Variants in SDC2 observed in about 807,000 individuals in gnomAD.
SDC2 encodes the protein syndecan-2.
Under a neutral mutation model 22.2 loss-of-function variants are expected in SDC2, and 13 were observed. The observed-to-expected ratio is 0.59, with a 90% CI of 0.38 to 0.93. The LOEUF (loss-of-function observed/expected upper bound fraction) is 0.93, where lower values mean the gene tolerates loss of function less well. SDC2 is among the 40% of genes least tolerant of loss of function. SDC2 has a pLI of 0.00. For missense variants in SDC2, 235 were observed against 246.8 expected, an observed-to-expected ratio of 0.95 and a Z score of 0.32; for synonymous variants, 94 against 92.8, an observed-to-expected ratio of 1.01 and a Z score of -0.07.
At chr8:96,557,854 C>T (rs1814144895) in intron 1 of SDC2, among the ~76,000 whole-genome samples, 1 of 152,052 alleles carries the variant, frequency 6.6e-6, no homozygotes, top group South Asian at 2.1e-4. Context: ...GAACCAAGAA[C>T]ACACTGTTTT....
At chr8:96,576,384 G>GTTTTTTTTT (rs1236267155) in intron 1 of SDC2, among the ~76,000 whole-genome samples, 2,293 of 50,856 alleles carry the variant, frequency 0.045, 119 homozygotes, top group Non-Finnish European at 0.071. Context: ...GTTTTGTTTT[G>GTTTTTTTTT]TTTTTTTTTA....
intron 1 of SDC2, among the ~76,000 whole-genome samples, chr8:96,528,677 C>G (rs1813615933): frequency 6.6e-6 from 1 of 151,972 alleles, no homozygotes; most frequent in African/African-American, 2.4e-5. Context: ...TTTAAACAAC[C>G]TTTTAGTCTT....
At chr8:96,494,910 G>T (rs1419541873) in intron 1 of SDC2, among the ~76,000 whole-genome samples, 3 of 152,192 alleles carry the variant, frequency 2.0e-5, no homozygotes, top group African/African-American at 7.2e-5. Flanking sequence ...CTGCGGCTAG[G>T]GCGAGGTAAC....
chr8:96,565,941 G>A lies in SDC2; in HGVS notation c.61-27539G>A, dbSNP rs192061579. Among the ~76,000 whole-genome samples, 331 of 152,194 alleles carry A rather than the reference G, an allele frequency of 2.2e-3. 2 individuals are homozygous for A. The highest frequency in any genetic ancestry group is 7.4e-3 in the African/African-American group (308 of 41,536). On this transcript the variant is annotated intron_variant, in intron 1 of 4. Coordinates refer to ENST00000302190, the MANE Select transcript of SDC2 (RefSeq NM_002998.4). ...TATTGTTAGTGAAAAATATGCCACC[G>A]AGAAGACCTGGGCTTGAGTCTTGCT...
intron 1 of SDC2, among the ~76,000 whole-genome samples, chr8:96,503,248 T>G (rs943156584): frequency 6.6e-6 from 1 of 152,224 alleles, no homozygotes; most frequent in African/African-American, 2.4e-5. Context: ...ATTTAATGTC[T>G]TTGTTGAAGT....
At chr8:96,507,898 T>C (rs1401335451) in intron 1 of SDC2, among the ~76,000 whole-genome samples, 3 of 152,204 alleles carry the variant, frequency 2.0e-5, no homozygotes, top group Non-Finnish European at 4.4e-5. Context: ...CTGTGGTGGC[T>C]CACGCCTGTA....
chr8:96,609,144 T>C, intron 4 of SDC2, among the ~76,000 whole-genome samples: 1 of 152,190 alleles, frequency 6.6e-6, no homozygotes. Context: ...CAAGGCCAGA[T>C]TTTTCTTATC....
Position 96,495,457 on chromosome 8 carries a change from C to T in SDC2, c.60+1126C>T, listed in dbSNP as rs961526261. Among the ~76,000 whole-genome samples, 30 of 152,198 alleles carry T rather than the reference C, an allele frequency of 2.0e-4. 1 individual carries two copies. Among genetic ancestry groups the T allele is most frequent in the Non-Finnish European group, 2.2e-4 (15 of 68,044 alleles). On this transcript the variant is annotated intron_variant, in intron 1 of 4. Coordinates refer to ENST00000302190, the MANE Select transcript of SDC2 (RefSeq NM_002998.4). ...CCTGGGCGCCAGGAGCTCTGTCGGG[C>T]CAGGTGGAAGCTTGAGCACCCCAGA...
In SDC2 at chr8:96,493,985, C is replaced by T. The variant is rs1360401957; in HGVS notation, c.-287C>T. On this transcript the variant is annotated 5_prime_UTR_variant, in exon 1 of 5. Transcript: ENST00000302190. ...CAAAACCACAGCAGAGCAAGAAGAG[C>T]TTCAGAGAGCAGCCTTCCCGGAGCA... The T allele has an allele frequency of 4.0e-6, 2 of 504,282 alleles. No homozygotes were observed. The highest frequency in any genetic ancestry group is 6.9e-6 in the Non-Finnish European group (2 of 289,414). 31.2% of individuals were successfully genotyped at this position (504,282 alleles called of 1,614,324 possible).
At chr8:96,546,641 C>T (rs8180894) in intron 1 of SDC2, among the ~76,000 whole-genome samples, 2 of 152,156 alleles carry the variant, frequency 1.3e-5, no homozygotes, top group East Asian at 3.9e-4. Flanking sequence ...TTTTCTGTTC[C>T]TTGTGGAGCA....
chr8:96,534,594 C>T (rs2130494868), intron 1 of SDC2, among the ~76,000 whole-genome samples: 1 of 152,188 alleles, frequency 6.6e-6, no homozygotes, highest in African/African-American at 2.4e-5. Flanking sequence ...ACCACCATAC[C>T]TGGCTATTTT....
chr8:96,576,379 G>GTTTTTTTTTTTTTTT (rs1365620450), intron 1 of SDC2, among the ~76,000 whole-genome samples: 8 of 47,562 alleles, frequency 1.7e-4, no homozygotes, highest in East Asian at 9.0e-4. Flanking sequence ...TTTTTGTTTT[G>GTTTTTTTTTTTTTTT]TTTTGTTTTT....
chr8:96,594,721 T>G, intron 2 of SDC2, among the ~76,000 whole-genome samples: 1 of 152,178 alleles, frequency 6.6e-6, no homozygotes. Context: ...CTGGGTAATT[T>G]ATAAAAGAAA....
chr8:96,590,374 C>T, intron 1 of SDC2, among the ~76,000 whole-genome samples: 1 of 152,192 alleles, frequency 6.6e-6, no homozygotes. Context: ...GCGTCTCGGT[C>T]CCATTGAGTA....
intron 1 of SDC2, among the ~76,000 whole-genome samples, chr8:96,495,107 C>T (rs955097400): frequency 2.0e-5 from 3 of 152,118 alleles, no homozygotes; most frequent in Non-Finnish European, 4.4e-5. Flanking sequence ...AGGAGTTACA[C>T]GGGAGTGCCG....
intron 1 of SDC2, chr8:96,538,870 G>A (rs991954694): frequency 1.5e-4 from 23 of 152,240 alleles, no homozygotes; most frequent in African/African-American, 4.8e-4. Context: ...TAATCAAGGC[G>A]TTGCCTTCTG....
At chr8:96,511,351 G>A (rs1449527378) in intron 1 of SDC2, among the ~76,000 whole-genome samples, 1 of 152,108 alleles carries the variant, frequency 6.6e-6, no homozygotes, top group African/African-American at 2.4e-5. Flanking sequence ...CCAGCAGTGT[G>A]GGCATCACCT....
chr8:96,581,159 A>G (rs1814582751), intron 1 of SDC2, among the ~76,000 whole-genome samples: 1 of 152,248 alleles, frequency 6.6e-6, no homozygotes, highest in African/African-American at 2.4e-5. Flanking sequence ...TCACTAGTAA[A>G]TTACTATAAA....
intron 1 of SDC2, among the ~76,000 whole-genome samples, chr8:96,511,037 C>A (rs538779686): frequency 6.6e-6 from 1 of 152,240 alleles, no homozygotes; most frequent in East Asian, 1.9e-4. Flanking sequence ...TACAGCTCCT[C>A]GGACCTTGTT....
Sources: allele counts gnomAD v4.1 joint callset (sites outside exome capture counted in the v4.1 genomes callset), GRCh38; gene constraint gnomAD v4.1.1; transcripts MANE v1.5; gene names NCBI Gene and HGNC (gene_info 2026-07-23, HGNC 2026-07-21).